The following GLIS3 variants were observed in gnomAD, a reference collection of about 807,000 sequenced individuals.
The protein encoded by GLIS3 is zinc finger protein GLIS3.
Under a neutral mutation model 78.6 loss-of-function variants are expected in GLIS3, and 53 were observed. The ratio of observed to expected loss-of-function variants is 0.67; its 90% CI spans 0.54 to 0.85. The LOEUF (loss-of-function observed/expected upper bound fraction) is 0.85. Among genes scored for constraint, GLIS3 ranks in the 40% least tolerant of loss-of-function variants. The pLI is 0.00. For missense variants in GLIS3, 1,703 were observed against 1,231.1 expected, an observed-to-expected ratio of 1.38 and a Z score of -5.74; for synonymous variants, 684 against 509.9, an observed-to-expected ratio of 1.34 and a Z score of -4.60.
At chr9:3,951,660 C>T (rs367747934) in intron 4 of GLIS3, among the ~76,000 whole-genome samples, 12 of 152,004 alleles carry the variant, frequency 7.9e-5, no homozygotes, top group African/African-American at 1.2e-4. Flanking sequence ...TCAGGGTGAA[C>T]GGACACTGAT....
intron 2 of GLIS3, among the ~76,000 whole-genome samples, chr9:4,164,070 T>C (rs1835702189): frequency 6.6e-6 from 1 of 152,302 alleles, no homozygotes; most frequent in East Asian, 1.9e-4. Context: ...AAACACAAAA[T>C]ATGCAAAGGT....
At chr9:3,986,446 G>T (rs1016474061) in intron 4 of GLIS3, among the ~76,000 whole-genome samples, 4 of 152,206 alleles carry the variant, frequency 2.6e-5, no homozygotes, top group African/African-American at 9.7e-5. Flanking sequence ...GCAGATTTAT[G>T]AAAACTGTGT....
chr9:4,107,210 G>C (rs909618836), intron 4 of GLIS3, among the ~76,000 whole-genome samples: 2 of 152,170 alleles, frequency 1.3e-5, no homozygotes, highest in African/African-American at 4.8e-5. Context: ...AGGTAAGTCA[G>C]AGAAGAAGCA....
chr9:4,431,478 A>T, the GLIS3 span, among the ~76,000 whole-genome samples: 1 of 152,230 alleles, frequency 6.6e-6, no homozygotes, highest in African/African-American at 2.4e-5. Flanking sequence ...GTAGTCAATC[A>T]GGGAGTCGGG....
At chr9:4,114,099 T>G (rs1831436010) in intron 4 of GLIS3, among the ~76,000 whole-genome samples, 1 of 152,150 alleles carries the variant, frequency 6.6e-6, no homozygotes, top group Non-Finnish European at 1.5e-5. Flanking sequence ...AGGCAAGTCA[T>G]CAGTGTTTCT....
intron 2 of GLIS3, among the ~76,000 whole-genome samples, chr9:4,164,920 G>C (rs902913158): frequency 2.0e-5 from 3 of 152,196 alleles, no homozygotes; most frequent in Non-Finnish European, 1.5e-5. Flanking sequence ...CTGGAGTCTA[G>C]GGGAAGTGAA....
the GLIS3 span, among the ~76,000 whole-genome samples, chr9:4,410,081 G>C: frequency 1.3e-5 from 2 of 151,688 alleles, no homozygotes; most frequent in Non-Finnish European, 2.9e-5. Flanking sequence ...AGTGATCCTA[G>C]TGCCTCAGCC....
intron 2 of GLIS3, among the ~76,000 whole-genome samples, chr9:4,311,757 T>C (rs1452748932): frequency 6.6e-6 from 1 of 152,210 alleles, no homozygotes; most frequent in East Asian, 1.9e-4. Context: ...TTGAGTTGTA[T>C]GTTTAAAGAC....
the GLIS3 span, among the ~76,000 whole-genome samples, chr9:4,381,498 G>A: frequency 6.6e-6 from 1 of 152,172 alleles, no homozygotes; most frequent in Non-Finnish European, 1.5e-5. Context: ...GAAAAGATAA[G>A]AGTTGCATGG....
At chr9:4,438,189 A>G in the GLIS3 span, among the ~76,000 whole-genome samples, 2 of 152,216 alleles carry the variant, frequency 1.3e-5, no homozygotes, top group Non-Finnish European at 2.9e-5. Flanking sequence ...TTTCAAATAA[A>G]ATATTTCCCT....
intron 4 of GLIS3, among the ~76,000 whole-genome samples, chr9:4,061,850 A>C (rs1162614705): frequency 6.6e-6 from 1 of 152,228 alleles, no homozygotes; most frequent in Non-Finnish European, 1.5e-5. Context: ...GAGAACTGTC[A>C]ATGCACATGT....
chr9:3,985,096 C>CAA (rs71324277), intron 4 of GLIS3, among the ~76,000 whole-genome samples: 1 of 142,212 alleles, frequency 7.0e-6, no homozygotes, highest in African/African-American at 2.6e-5. Context: ...GCTCAATTCA[C>CAA]AAAAAAAAAA....
At chr9:4,318,885 A>G (rs995699253) in intron 2 of GLIS3, among the ~76,000 whole-genome samples, 1 of 152,238 alleles carries the variant, frequency 6.6e-6, no homozygotes, top group Non-Finnish European at 1.5e-5. Flanking sequence ...GTTCCTGTAC[A>G]GTGGGTTCAT....
the GLIS3 span, among the ~76,000 whole-genome samples, chr9:4,397,226 C>T: frequency 1.4e-5 from 2 of 142,936 alleles, no homozygotes; most frequent in Non-Finnish European, 3.0e-5. Flanking sequence ...GGGGTTTCAC[C>T]GTTTTAGCCG....
rs1363331969 is a variant in GLIS3 at position 4,273,615 on chromosome 9, A to G, written c.388+12423T>C. ...CATAAATAAATAAATAAATAAATAA[A>G]TAAATAAATAAATAAATAAATGTAT... On this transcript the variant is annotated intron_variant, in intron 2 of 10. Transcript: ENST00000381971. Among the ~76,000 whole-genome samples the G allele has an allele frequency of 8.8e-5, 13 of 147,366 alleles. No individual in the cohort carries two copies. The East Asian group carries it at 2.5e-3, about 29-fold the overall frequency.
chr9:4,118,218 G>T lies in GLIS3; in HGVS notation c.1260C>A (p.Pro420=), dbSNP rs377419083. Residue 420 remains proline (P), a synonymous_variant, in exon 4 of 11, where the codon CCC becomes CCA. Transcript: ENST00000381971. This position sits in a 1 kb window ranked among gnomAD's most constrained non-coding sequence, Gnocchi z 4.7. The part of the protein sequence containing the change: ...HMVVQHGLPG[P]DSQSAGLFKT... ...TGAACAGGCCGGCCGACTGGCTGTC[G>T]GGGCCCGGCAGGCCATGCTGCACCA... 1.1e-5 allele frequency: 17 copies of T among 1,583,830 alleles called. No homozygotes were observed. The highest frequency in any genetic ancestry group is 1.5e-5 in the Non-Finnish European group (17 of 1,165,194).
At chr9:3,846,378 T>C (rs927456221) in intron 9 of GLIS3, among the ~76,000 whole-genome samples, 1 of 152,146 alleles carries the variant, frequency 6.6e-6, no homozygotes, top group African/African-American at 2.4e-5. Context: ...AGCTCTTCCA[T>C]TGTCTCACCT....
At chr9:4,180,757 A>C (rs1817248133) in intron 2 of GLIS3, among the ~76,000 whole-genome samples, 1 of 152,206 alleles carries the variant, frequency 6.6e-6, no homozygotes, top group African/African-American at 2.4e-5. Flanking sequence ...GGACAGTCAC[A>C]AACTAGAGGT....
chr9:4,212,432 G>A (rs765659139), intron 2 of GLIS3, among the ~76,000 whole-genome samples: 2 of 152,130 alleles, frequency 1.3e-5, no homozygotes, highest in African/African-American at 4.8e-5. Flanking sequence ...TGGATACTTA[G>A]GACAAAATAG....
Sources: gnomAD v4.1 joint callset for allele counts (sites outside exome capture counted in the v4.1 genomes callset) on GRCh38, gnomAD v4.1.1 for gene constraint, Gnocchi (gnomAD v3.1) non-coding constraint, MANE v1.5 for transcripts, NCBI Gene and HGNC (gene_info 2026-07-23, HGNC 2026-07-21) for gene names.